Variants in RHOBTB3 observed in about 807,000 individuals in gnomAD.
RHOBTB3 encodes Rho related BTB domain containing 3.
RHOBTB3 carries 47 observed loss-of-function variants against 67.2 expected under a neutral mutation model. That is an observed-to-expected ratio of 0.70 (90% CI 0.55 to 0.89). The LOEUF (loss-of-function observed/expected upper bound fraction) is 0.89. Ranked by LOEUF, RHOBTB3 falls within the 40% of genes least tolerant of loss-of-function variation. The pLI, the probability that RHOBTB3 is intolerant of heterozygous loss-of-function variation, is 0.00. For synonymous variants in RHOBTB3, 273 were observed against 274.2 expected (o/e 1.00, Z 0.04); for missense variants, 631 against 750.0 (o/e 0.84, Z 1.85).
chr5:95,740,948 A>C (rs575140321), intron 3 of RHOBTB3, among the ~76,000 whole-genome samples: 1 of 152,214 alleles, frequency 6.6e-6, no homozygotes, highest in Non-Finnish European at 1.5e-5. Flanking sequence ...AGCATGTATC[A>C]TCTAAGAACA....
intron 6 of RHOBTB3, 49 bp downstream of exon 6, chr5:95,755,810 A>C (rs1209259713): frequency 3.1e-6 from 5 of 1,591,508 alleles, no homozygotes; most frequent in Non-Finnish European, 4.3e-6. Context: ...AAGCTTTGGA[A>C]ATGAAATGTG....
chr5:95,787,317 A>AG (rs1746251091), intron 10 of RHOBTB3, among the ~76,000 whole-genome samples: 1 of 152,144 alleles, frequency 6.6e-6, no homozygotes, highest in African/African-American at 2.4e-5. Context: ...AGATAAGGGG[A>AG]GGAAAAAAAC....
intron 8 of RHOBTB3, chr5:95,770,001 C>T: frequency 2.5e-6 from 1 of 404,754 alleles, no homozygotes; most frequent in Non-Finnish European, 4.9e-6. Context: ...GTTGGTGGTG[C>T]AGTGTTTGGA....
intron 3 of RHOBTB3, among the ~76,000 whole-genome samples, chr5:95,738,155 C>T (rs1465521486): frequency 3.3e-5 from 5 of 152,046 alleles, no homozygotes; most frequent in Admixed American, 2.0e-4. Flanking sequence ...TACCCAGGAG[C>T]GGGATTGTTG....
chr5:95,731,015 C>CG, upstream of RHOBTB3: 1 of 827,576 alleles, frequency 1.2e-6, no homozygotes, highest in Non-Finnish European at 1.7e-6. Context: ...GCGGGGGCCC[C>CG]ATCGCCCCAC....
Position 95,748,503 on chromosome 5 carries a change from T to C in RHOBTB3, c.570+16T>C, listed in dbSNP as rs905104055. ...TGGAGGAGTGGTAAGTGGAAATTCC[T>C]GTTAAGTATAAAGTTATTTGTCAGG... On this transcript the variant is annotated intron_variant, in intron 4 of 11. Transcript: ENST00000379982. 1.3e-6 allele frequency: 2 copies of C among 1,598,888 alleles called. No individual in the cohort carries two copies. The highest frequency in any genetic ancestry group is 1.3e-5 in the African/African-American group (1 of 74,628).
chr5:95,754,248 G>A (rs773692346), intron 5 of RHOBTB3, among the ~76,000 whole-genome samples: 4 of 152,184 alleles, frequency 2.6e-5, no homozygotes, highest in Non-Finnish European at 5.9e-5. Context: ...TGTTAAGAGA[G>A]CTGTGTGTAT....
chr5:95,738,382 C>T (rs1240730869), intron 3 of RHOBTB3, among the ~76,000 whole-genome samples: 3 of 152,184 alleles, frequency 2.0e-5, no homozygotes, highest in Admixed American at 6.5e-5. Context: ...AGTTTGTTCT[C>T]CCTCAGGGTC....
At chr5:95,733,184 G>A (rs1221376517) in intron 2 of RHOBTB3, among the ~76,000 whole-genome samples, 2 of 152,078 alleles carry the variant, frequency 1.3e-5, no homozygotes, top group East Asian at 1.9e-4. Flanking sequence ...ATGTTAATTT[G>A]GTAAAATAAA....
chr5:95,747,262 CCTGTAGGATCAG>C (rs1744948868), intron 3 of RHOBTB3, among the ~76,000 whole-genome samples: 1 of 152,160 alleles, frequency 6.6e-6, no homozygotes, highest in Non-Finnish European at 1.5e-5. Context: ...TCCAGAGCCC[CCTGTAGGATCAG>C]CTTTGGTCCC....
chr5:95,724,362 A>G (rs542441349), intron 1 of RHOBTB3, among the ~76,000 whole-genome samples: 124 of 152,386 alleles, frequency 8.1e-4, no homozygotes, highest in African/African-American at 2.9e-3. Context: ...GAAGTGTAAT[A>G]CATTTTTACA....
chr5:95,770,379 T>C (rs1204216879), intron 8 of RHOBTB3: 2 of 231,848 alleles, frequency 8.6e-6, no homozygotes, highest in Admixed American at 9.8e-5. Context: ...CTCCAACTAA[T>C]AAAAATAAAA....
intron 3 of RHOBTB3, among the ~76,000 whole-genome samples, chr5:95,744,837 G>C (rs1048106000): frequency 6.6e-6 from 1 of 152,126 alleles, no homozygotes; most frequent in African/African-American, 2.4e-5. Context: ...TTGGGTGACT[G>C]AGGTGGGAGG....
intron 9 of RHOBTB3, chr5:95,781,361 C>G (rs1746040205): frequency 6.6e-6 from 1 of 152,248 alleles, no homozygotes; most frequent in Non-Finnish European, 1.5e-5. Flanking sequence ...TTCAGATTCA[C>G]TGCTTTAATT....
At chr5:95,775,263 C>T (rs971721234) in intron 8 of RHOBTB3, among the ~76,000 whole-genome samples, 10 of 151,806 alleles carry the variant, frequency 6.6e-5, no homozygotes, top group African/African-American at 1.7e-4. Flanking sequence ...CTAAAATCCA[C>T]GATTTTTTGA....
chr5:95,783,973 T>C lies in RHOBTB3; in HGVS notation c.1623+10T>C. On this transcript the variant is annotated intron_variant, in intron 10 of 11. Transcript: ENST00000379982. ...GCTTAAAAAGGCCAAGGTAATTGAC[T>C]CTGTGTATCTGATAGCCTAGTTTTT... 1.3e-6 allele frequency: 2 copies of C among 1,579,182 alleles called. No homozygotes were observed. The highest frequency in any genetic ancestry group is 1.7e-6 in the Non-Finnish European group (2 of 1,158,682).
chr5:95,762,573 A>G (rs1405534568), intron 6 of RHOBTB3, among the ~76,000 whole-genome samples: 3 of 123,462 alleles, frequency 2.4e-5, no homozygotes, highest in African/African-American at 5.9e-5. Context: ...ACTGGATCCT[A>G]GGTCTCCTAA....
At chr5:95,733,595 A>AT (rs759065978) in intron 2 of RHOBTB3, among the ~76,000 whole-genome samples, 5 of 152,056 alleles carry the variant, frequency 3.3e-5, no homozygotes, top group Non-Finnish European at 7.4e-5. Flanking sequence ...TATAGTACGG[A>AT]TTTTTGCCAT....
At chr5:95,782,809 C>CAAAAAAAAAAAAAAAA in intron 9 of RHOBTB3, 1 of 99,112 alleles carries the variant, frequency 1.0e-5, no homozygotes, top group Non-Finnish European at 2.1e-5. Flanking sequence ...GACTCCATCT[C>CAAAAAAAAAAAAAAAA]AAAAAAAAAA....
Sources: gnomAD v4.1 joint callset for allele counts (sites outside exome capture counted in the v4.1 genomes callset) on GRCh38, gnomAD v4.1.1 for gene constraint, MANE v1.5 for transcripts, NCBI Gene and HGNC (gene_info 2026-07-23, HGNC 2026-07-21) for gene names.